STARD13: variants seen among roughly 807,000 people sequenced by gnomAD.
STARD13 encodes stAR-related lipid transfer protein 13.
In STARD13, 62 loss-of-function variants were observed where a neutral mutation model predicts 106.4. The observed-to-expected ratio is 0.58, with a 90% confidence interval of 0.48 to 0.72. The LOEUF (loss-of-function observed/expected upper bound fraction) is 0.72, where lower values mean the gene tolerates loss of function less well. Ranked by LOEUF, STARD13 falls within the 30% of genes least tolerant of loss-of-function variation. STARD13 has a pLI of 0.00. For missense variants in STARD13, 1,387 were observed against 1,424.0 expected (o/e 0.97, Z 0.42); for synonymous variants, 565 against 553.0 (o/e 1.02, Z -0.31).
At chr13:33,502,433 T>C in the STARD13 span, among the ~76,000 whole-genome samples, 1 of 152,058 alleles carries the variant, frequency 6.6e-6, no homozygotes, top group African/African-American at 2.4e-5. Context: ...TGAATAGGAG[T>C]GGTGAGAGAG....
chr13:33,117,847 T>C, intron 8 of STARD13: 1 of 985,274 alleles, frequency 1.0e-6, no homozygotes, highest in Non-Finnish European at 1.2e-6. Context: ...AGGAATATTT[T>C]GATGTCAAAA....
chr13:33,560,947 T>A, the STARD13 span, among the ~76,000 whole-genome samples: 1 of 151,538 alleles, frequency 6.6e-6, no homozygotes, highest in Non-Finnish European at 1.5e-5. Flanking sequence ...TTCTTTGGAC[T>A]GATGATGGCA....
chr13:33,133,788 G>T (rs75311060), intron 4 of STARD13, among the ~76,000 whole-genome samples: 1,685 of 152,040 alleles, frequency 0.011, 32 homozygotes, highest in African/African-American at 0.039. Context: ...AACCTACCAA[G>T]GGGCCATGAT....
At chr13:33,154,070 A>G (rs1260328502) in intron 3 of STARD13, among the ~76,000 whole-genome samples, 6 of 152,208 alleles carry the variant, frequency 3.9e-5, no homozygotes, top group Non-Finnish European at 8.8e-5. Flanking sequence ...GAGAGCAGAG[A>G]TGGATATACT....
chr13:33,663,640 A>C, the STARD13 span, among the ~76,000 whole-genome samples: 1 of 152,212 alleles, frequency 6.6e-6, no homozygotes, highest in Non-Finnish European at 1.5e-5. Context: ...GTTATCTAAT[A>C]AGGGAGTATG....
the STARD13 span, among the ~76,000 whole-genome samples, chr13:33,451,907 T>C: frequency 2.6e-5 from 4 of 152,182 alleles, no homozygotes; most frequent in Non-Finnish European, 5.9e-5. Context: ...TCACTAAAAG[T>C]TGGTAATTAT....
chr13:33,620,221 G>T, the STARD13 span, among the ~76,000 whole-genome samples: 1 of 150,926 alleles, frequency 6.6e-6, no homozygotes, highest in Non-Finnish European at 1.5e-5. Context: ...CAACCCACAA[G>T]ACCTAATTGA....
intron 1 of STARD13, among the ~76,000 whole-genome samples, chr13:33,293,722 A>G (rs1033382284): frequency 1.3e-5 from 2 of 152,198 alleles, no homozygotes; most frequent in African/African-American, 4.8e-5. Context: ...CAGCTAGAAT[A>G]TAAAGCAGGC....
intron 1 of STARD13, among the ~76,000 whole-genome samples, chr13:33,342,028 G>C (rs1276123907): frequency 6.6e-6 from 1 of 152,062 alleles, no homozygotes; most frequent in African/African-American, 2.4e-5. Flanking sequence ...TGACCTCAAG[G>C]GATCTGCCCG....
chr13:33,173,359 G>T (rs1317358353), intron 1 of STARD13, among the ~76,000 whole-genome samples: 3 of 152,058 alleles, frequency 2.0e-5, no homozygotes, highest in African/African-American at 7.2e-5. Flanking sequence ...CAATGCCAGG[G>T]TATCCATCCC....
At chr13:33,478,423 AT>A in the STARD13 span, among the ~76,000 whole-genome samples, 6 of 152,098 alleles carry the variant, frequency 3.9e-5, no homozygotes, top group African/African-American at 1.4e-4. Flanking sequence ...CACCCAAAAT[AT>A]TTTTTCACAT....
chr13:33,676,210 C>T, the STARD13 span, among the ~76,000 whole-genome samples: 2 of 152,164 alleles, frequency 1.3e-5, no homozygotes, highest in Non-Finnish European at 2.9e-5. Context: ...GTTTAATCCC[C>T]TCCCATGCCT....
intron 1 of STARD13, among the ~76,000 whole-genome samples, chr13:33,245,046 T>A (rs1465329138): frequency 6.6e-6 from 1 of 152,164 alleles, no homozygotes; most frequent in Non-Finnish European, 1.5e-5. Context: ...TTAGGGACAG[T>A]TCCAGACATG....
chr13:33,284,532 C>T lies in STARD13; in HGVS notation c.169+938G>A, dbSNP rs146175678. On this transcript the variant is annotated intron_variant, in intron 1 of 13. Coordinates refer to ENST00000336934, the MANE Select transcript of STARD13 (RefSeq NM_178006.4). The stretch of plus-strand genomic sequence containing the variant: ...AGGGTGATCATTAACTGACTGTCAA[C>T]GTGTGTTAGGGGCTTCTTAGGAACG... Among the ~76,000 whole-genome samples, 249 of 151,194 alleles carry T rather than the reference C, an allele frequency of 1.6e-3. 2 individuals are homozygous for T. Among genetic ancestry groups the T allele is most frequent in the African/African-American group, 5.7e-3 (233 of 41,200 alleles).
chr13:33,207,256 A>C (rs1032613089), intron 1 of STARD13, among the ~76,000 whole-genome samples: 1 of 152,208 alleles, frequency 6.6e-6, no homozygotes, highest in African/African-American at 2.4e-5. Flanking sequence ...AGCATAGGGC[A>C]GAGTGGGGCT....
the STARD13 span, among the ~76,000 whole-genome samples, chr13:33,437,017 G>A: frequency 6.6e-6 from 1 of 152,056 alleles, no homozygotes; most frequent in Non-Finnish European, 1.5e-5. Flanking sequence ...GTTAAGGGAG[G>A]AGACCACCCC....
the STARD13 span, among the ~76,000 whole-genome samples, chr13:33,544,770 CTTTTTTTTTTTT>C: frequency 1.8e-5 from 2 of 108,714 alleles, no homozygotes; most frequent in South Asian, 2.9e-4. Context: ...TGTTTTTTCT[CTTTTTTTTTTTT>C]TTTTTTTTTG....
At chr13:33,579,058 G>A in the STARD13 span, among the ~76,000 whole-genome samples, 1 of 152,098 alleles carries the variant, frequency 6.6e-6, no homozygotes, top group Admixed American at 6.6e-5. Context: ...TGGGGGGAAT[G>A]TAAACGAGTA....
rs572476344 is a variant in STARD13 at position 33,149,461 on chromosome 13, A to G, written c.324-7088T>C. 2.6e-5 allele frequency among the ~76,000 whole-genome samples: 4 copies of G among 152,356 alleles called. No homozygotes were observed. The South Asian group carries it at 6.2e-4, about 24-fold the overall frequency. On this transcript the variant is annotated intron_variant, in intron 3 of 13. Transcript: ENST00000336934. ...ACTTTGAAATTACTGATGTAAAATTATCTATGTGTCTTCTGTTCTTGGTTT... is the reference window on the plus strand; with the variant it reads ...ACTTTGAAATTACTGATGTAAAATTGTCTATGTGTCTTCTGTTCTTGGTTT...
Sources: gnomAD v4.1 joint callset for allele counts (sites outside exome capture counted in the v4.1 genomes callset) on GRCh38, gnomAD v4.1.1 for gene constraint, MANE v1.5 for transcripts, NCBI Gene and HGNC (gene_info 2026-07-23, HGNC 2026-07-21) for gene names.